SAMSN1: variants seen among roughly 807,000 people sequenced by gnomAD.
The protein encoded by SAMSN1 is SAM domain, SH3 domain and nuclear localization signals 1.
SAMSN1 carries 31 observed loss-of-function variants against 42.0 expected under a neutral mutation model. That is an observed-to-expected ratio of 0.74 (90% CI 0.55 to 1.00). SAMSN1 has a LOEUF of 1.00. Among genes scored for constraint, SAMSN1 ranks in the 50% least tolerant of loss-of-function variants. The pLI is 0.00. For missense variants in SAMSN1, 464 were observed against 439.4 expected (o/e 1.06, Z -0.50); for synonymous variants, 178 against 151.9 (o/e 1.17, Z -1.26).
intron 1 of SAMSN1, among the ~76,000 whole-genome samples, chr21:14,541,213 T>C (rs1278149066): frequency 1.3e-5 from 2 of 151,710 alleles, no homozygotes; most frequent in Non-Finnish European, 2.9e-5. Context: ...CTCACCAACA[T>C]GGCACATGTA....
chr21:14,606,267 C>T (rs112839543), intron 5 of SAMSN1, among the ~76,000 whole-genome samples: 10 of 152,228 alleles, frequency 6.6e-5, no homozygotes, highest in African/African-American at 1.9e-4. Context: ...CATTTTTCCC[C>T]AGCTTTTTCT....
At chr21:14,620,448 C>T (rs1982974077) in intron 2 of SAMSN1, among the ~76,000 whole-genome samples, 1 of 152,148 alleles carries the variant, frequency 6.6e-6, no homozygotes, top group Non-Finnish European at 1.5e-5. Context: ...TTTCCTGAGG[C>T]CTCCCTCACA....
At chr21:14,562,902 G>T (rs1435999414) in intron 2 of SAMSN1, among the ~76,000 whole-genome samples, 1 of 152,116 alleles carries the variant, frequency 6.6e-6, no homozygotes, top group East Asian at 1.9e-4. Flanking sequence ...GAAAGCAAAT[G>T]ACTTCTTTCT....
At chr21:14,569,071 A>G (rs1165874965) in intron 2 of SAMSN1, among the ~76,000 whole-genome samples, 1 of 152,166 alleles carries the variant, frequency 6.6e-6, no homozygotes, top group African/African-American at 2.4e-5. Flanking sequence ...AAAGAGGATC[A>G]CTTGAATCCA....
At chr21:14,550,317 C>T (rs543936091), upstream of SAMSN1, among the ~76,000 whole-genome samples, 1 of 152,212 alleles carries the variant, frequency 6.6e-6, no homozygotes, top group East Asian at 1.9e-4. Flanking sequence ...CCAGCCCTAC[C>T]CAGCTCTTGA....
At chr21:14,584,177 C>A (rs1480215709), upstream of SAMSN1, among the ~76,000 whole-genome samples, 1 of 152,116 alleles carries the variant, frequency 6.6e-6, no homozygotes, top group Non-Finnish European at 1.5e-5. Context: ...TGATAGTATA[C>A]AAAGTCTACC....
chr21:14,606,266 C>G (rs1982569104), intron 5 of SAMSN1, among the ~76,000 whole-genome samples: 1 of 152,110 alleles, frequency 6.6e-6, no homozygotes. Flanking sequence ...CCATTTTTCC[C>G]CAGCTTTTTC....
chr21:14,537,733 C>G (rs1376037049), intron 1 of SAMSN1, among the ~76,000 whole-genome samples: 1 of 152,050 alleles, frequency 6.6e-6, no homozygotes, highest in Non-Finnish European at 1.5e-5. Flanking sequence ...TTTAGTGATT[C>G]AAATATTCGG....
intron 1 of SAMSN1, among the ~76,000 whole-genome samples, chr21:14,650,640 C>T (rs780880248): frequency 6.6e-6 from 1 of 151,702 alleles, no homozygotes; most frequent in Admixed American, 6.6e-5. Flanking sequence ...AAAGTAAGAG[C>T]AAACCAAACC....
At chr21:14,511,737 A>T (rs1987695938) in intron 4 of SAMSN1, among the ~76,000 whole-genome samples, 1 of 152,346 alleles carries the variant, frequency 6.6e-6, no homozygotes, top group Middle Eastern at 3.4e-3. Context: ...TTTCATCCAA[A>T]TATTGTAGCT....
intron 7 of SAMSN1, among the ~76,000 whole-genome samples, chr21:14,589,691 T>G (rs962595278): frequency 2.0e-5 from 3 of 152,098 alleles, no homozygotes; most frequent in African/African-American, 7.2e-5. Flanking sequence ...CCAGATTGCG[T>G]TATCTGTCTG....
chr21:14,652,529 G>A (rs1470951412), intron 1 of SAMSN1, among the ~76,000 whole-genome samples: 2 of 151,918 alleles, frequency 1.3e-5, no homozygotes, highest in African/African-American at 2.4e-5. Flanking sequence ...CACCATATAT[G>A]TAAATAAAAT....
chr21:14,495,092 A>G (rs993608206), intron 7 of SAMSN1, among the ~76,000 whole-genome samples: 3 of 152,252 alleles, frequency 2.0e-5, no homozygotes, highest in African/African-American at 7.2e-5. Flanking sequence ...CATCCATAAT[A>G]TCCTAGAAAA....
At chr21:14,512,663 A>G (rs1381389230) in intron 3 of SAMSN1, 90 bp from the exon 4 acceptor site, 1 of 1,250,976 alleles carries the variant, frequency 8.0e-7, no homozygotes, top group Non-Finnish European at 1.1e-6. Context: ...CACATATTTT[A>G]GCAATAAAAT....
At chr21:14,570,081 AC>A (rs1026700000) in intron 2 of SAMSN1, among the ~76,000 whole-genome samples, 2 of 151,728 alleles carry the variant, frequency 1.3e-5, no homozygotes, top group African/African-American at 4.9e-5. Context: ...GTGGTGGTTG[AC>A]TATCACATGC....
intron 2 of SAMSN1, among the ~76,000 whole-genome samples, chr21:14,575,053 G>T (rs1981415157): frequency 6.6e-6 from 1 of 151,988 alleles, no homozygotes; most frequent in Admixed American, 6.6e-5. Flanking sequence ...AAACTCTCTT[G>T]TCCACCCCTT....
intron 2 of SAMSN1, among the ~76,000 whole-genome samples, chr21:14,572,719 C>G (rs1252869709): frequency 1.3e-5 from 2 of 152,022 alleles, no homozygotes; most frequent in Non-Finnish European, 2.9e-5. Context: ...GCTGTTAAAC[C>G]CTTACTTTTA....
At chr21:14,526,570 A>T (rs1191926118) in intron 1 of SAMSN1, among the ~76,000 whole-genome samples, 1 of 152,206 alleles carries the variant, frequency 6.6e-6, no homozygotes, top group Non-Finnish European at 1.5e-5. Flanking sequence ...CTGTTTCATG[A>T]TATAAAGCTG....
chr21:14,485,647 A>C lies in SAMSN1; in HGVS notation c.*265T>G, dbSNP rs1986401211. ...AAGCCAAATAAAGCATATGTCACAC[A>C]TACCAAAGTCTTACATTTTGCCTTT... On this transcript the variant is annotated 3_prime_UTR_variant, in exon 8 of 8. Coordinates refer to ENST00000400566, the MANE Select transcript of SAMSN1 (RefSeq NM_022136.5). 1 of 289,510 alleles carries C rather than the reference A, an allele frequency of 3.5e-6. No individual in the cohort carries two copies. The highest frequency in any genetic ancestry group is 4.6e-5 in the Admixed American group (1 of 21,582). 17.9% of individuals were successfully genotyped at this position (289,510 alleles called of 1,614,324 possible). A position where few individuals can be genotyped will look rare whatever the true frequency, so the allele number is the denominator to read the frequency against.
Sources: allele counts gnomAD v4.1 joint callset (sites outside exome capture counted in the v4.1 genomes callset), GRCh38; gene constraint gnomAD v4.1.1; transcripts MANE v1.5; gene names NCBI Gene and HGNC (gene_info 2026-07-23, HGNC 2026-07-21).